Variants in PPP2R5E observed in about 807,000 individuals in gnomAD.
The protein encoded by PPP2R5E is protein phosphatase 2 regulatory subunit B'epsilon, also known as serine/threonine-protein phosphatase 2A 56 kDa regulatory subunit epsilon isoform.
Under a neutral mutation model 65.3 loss-of-function variants are expected in PPP2R5E, and 4 were observed. The observed-to-expected ratio is 0.06, with a 90% confidence interval of 0.03 to 0.14. PPP2R5E has a LOEUF of 0.14. PPP2R5E is among the 10% of genes least tolerant of loss of function. The probability of loss-of-function intolerance (pLI) is 1.00; values close to 1 mark genes in which losing one functional copy is unlikely to be tolerated. For missense variants in PPP2R5E, 274 were observed against 556.1 expected (o/e 0.49, Z 5.10); for synonymous variants, 183 against 187.4 (o/e 0.98, Z 0.19).
chr14:63,438,373 A>G (rs1370144785), intron 3 of PPP2R5E, among the ~76,000 whole-genome samples: 2 of 152,240 alleles, frequency 1.3e-5, no homozygotes, highest in Non-Finnish European at 2.9e-5. Flanking sequence ...ACCCACTTGC[A>G]CATGCCACAA....
At chr14:63,479,297 T>G (rs8018721) in intron 2 of PPP2R5E, 1 of 151,790 alleles carries the variant, frequency 6.6e-6, no homozygotes, top group African/African-American at 2.4e-5. Flanking sequence ...GTGCTGTGGG[T>G]GGGGGAGGAG....
Position 63,372,309 on chromosome 14 carries a change from G to A in PPP2R5E, c.*3700C>T, listed in dbSNP as rs935722370. ...TTAGGTTTTCAAAATTAAATATAGA[G>A]GAATATAAAATGCAATGCCAATATA... On this transcript the variant is annotated 3_prime_UTR_variant, in exon 14 of 14. Transcript: ENST00000337537. The A allele has an allele frequency of 6.6e-6, 1 of 152,030 alleles. No individual in the cohort carries two copies. The highest frequency in any genetic ancestry group is 1.5e-5 in the Non-Finnish European group (1 of 67,992). 9.4% of individuals were successfully genotyped at this position (152,030 alleles called of 1,614,324 possible). A position where few individuals can be genotyped will look rare whatever the true frequency, so the allele number is the denominator to read the frequency against.
intron 3 of PPP2R5E, among the ~76,000 whole-genome samples, chr14:63,434,576 C>G (rs10140679): frequency 6.6e-6 from 1 of 151,930 alleles, no homozygotes; most frequent in Non-Finnish European, 1.5e-5. Context: ...TTTTCCACTA[C>G]GACCTCTGTG....
chr14:63,542,581 G>A (rs376693221), intron 1 of PPP2R5E, among the ~76,000 whole-genome samples, 198 bp downstream of exon 1: 2 of 152,170 alleles, frequency 1.3e-5, no homozygotes, highest in African/African-American at 4.8e-5. Flanking sequence ...GGGGCAGAGT[G>A]AATGAGAGGT....
chr14:63,457,078 C>T (rs61983964), intron 2 of PPP2R5E, among the ~76,000 whole-genome samples: 1,820 of 152,246 alleles, frequency 0.012, 15 homozygotes, highest in Non-Finnish European at 0.016. Flanking sequence ...GATGACCAGT[C>T]CAAACAAGAG....
intron 3 of PPP2R5E, among the ~76,000 whole-genome samples, chr14:63,422,729 TA>T (rs567590182): frequency 0.057 from 5,013 of 87,888 alleles, 95 homozygotes; most frequent in East Asian, 0.093. Flanking sequence ...TCCGTCTATT[TA>T]AAAAAAAAAA....
chr14:63,418,259 C>G (rs1886809758), intron 4 of PPP2R5E, among the ~76,000 whole-genome samples: 1 of 152,168 alleles, frequency 6.6e-6, no homozygotes, highest in South Asian at 2.1e-4. Context: ...GGTTTTAGCC[C>G]TCTTTCGATT....
chr14:63,482,920 C>T (rs1010561879), intron 2 of PPP2R5E, among the ~76,000 whole-genome samples: 2 of 152,140 alleles, frequency 1.3e-5, no homozygotes, highest in African/African-American at 4.8e-5. Context: ...TAGGTACCGA[C>T]AATACCGCAG....
chr14:63,431,203 G>A (rs1408786355), intron 3 of PPP2R5E, among the ~76,000 whole-genome samples: 2 of 151,936 alleles, frequency 1.3e-5, no homozygotes, highest in South Asian at 2.1e-4. Flanking sequence ...AGGAGGCAGC[G>A]GTTGCAGTGA....
intron 5 of PPP2R5E, among the ~76,000 whole-genome samples, chr14:63,406,125 C>G (rs1445696800): frequency 6.6e-6 from 1 of 152,164 alleles, no homozygotes; most frequent in Non-Finnish European, 1.5e-5. Flanking sequence ...AAACGACAGA[C>G]TGTTGGCCAG....
chr14:63,475,240 C>G (rs1890349761), intron 2 of PPP2R5E, among the ~76,000 whole-genome samples: 1 of 152,250 alleles, frequency 6.6e-6, no homozygotes, highest in African/African-American at 2.4e-5. Context: ...GCTGGAACAG[C>G]ATTTCACTCT....
At chr14:63,519,507 A>ATTTTTTTTTTT (rs557285871) in intron 2 of PPP2R5E, among the ~76,000 whole-genome samples, 2 of 124,326 alleles carry the variant, frequency 1.6e-5, no homozygotes, top group African/African-American at 6.6e-5. Context: ...TGCCCAGCTA[A>ATTTTTTTTTTT]TTTTTTTTTT....
rs1252869528 is a variant in PPP2R5E at position 63,542,872 on chromosome 14, C to G, written c.-101G>C. 6.5e-6 allele frequency: 1 copy of G among 153,360 alleles called. No individual in the cohort carries two copies. Among genetic ancestry groups the G allele is most frequent in the Non-Finnish European group, 1.5e-5 (1 of 68,688 alleles). The allele number at this position is 153,360 out of a possible 1,614,324, so 9.5% of individuals were successfully genotyped here. A position where few individuals can be genotyped will look rare whatever the true frequency, so the allele number is the denominator to read the frequency against. On this transcript the variant is annotated 5_prime_UTR_variant, in exon 1 of 14. Transcript: ENST00000337537. ...CCGCAGCGGGGGCGGGCGGCGGGAC[C>G]GGGACGTGCAGGGGGAGGTCCGGGC...
intron 5 of PPP2R5E, among the ~76,000 whole-genome samples, chr14:63,414,492 G>C (rs1376673012): frequency 6.6e-6 from 1 of 152,074 alleles, no homozygotes; most frequent in Non-Finnish European, 1.5e-5. Flanking sequence ...TCAACAACAG[G>C]AGCAAGGAAG....
At chr14:63,427,124 G>GTATCA (rs1887383854) in intron 3 of PPP2R5E, among the ~76,000 whole-genome samples, 1 of 152,296 alleles carries the variant, frequency 6.6e-6, no homozygotes, top group Non-Finnish European at 1.5e-5. Context: ...GCATGCTTAT[G>GTATCA]CAAATGTATC....
chr14:63,385,505 C>G (rs999765992), intron 11 of PPP2R5E, among the ~76,000 whole-genome samples: 1 of 152,156 alleles, frequency 6.6e-6, no homozygotes, highest in African/African-American at 2.4e-5. Flanking sequence ...TTTTTCATCA[C>G]ACACACTTAG....
intron 2 of PPP2R5E, among the ~76,000 whole-genome samples, chr14:63,465,575 G>C (rs780900117): frequency 6.6e-6 from 1 of 152,034 alleles, no homozygotes; most frequent in Non-Finnish European, 1.5e-5. Flanking sequence ...GCCGTGAGCC[G>C]TGATTGCACC....
chr14:63,514,069 C>T (rs1294184276), intron 2 of PPP2R5E, among the ~76,000 whole-genome samples: 2 of 152,106 alleles, frequency 1.3e-5, no homozygotes, highest in Non-Finnish European at 2.9e-5. Flanking sequence ...CCAGTCTAAG[C>T]CCCAGATATG....
At chr14:63,523,298 C>T (rs886738328) in intron 2 of PPP2R5E, among the ~76,000 whole-genome samples, 1 of 152,082 alleles carries the variant, frequency 6.6e-6, no homozygotes, top group African/African-American at 2.4e-5. Flanking sequence ...AGTGAGAAAT[C>T]GGATGGTTGC....
Sources: gnomAD v4.1 joint callset for allele counts (sites outside exome capture counted in the v4.1 genomes callset) on GRCh38, gnomAD v4.1.1 for gene constraint, MANE v1.5 for transcripts, NCBI Gene and HGNC (gene_info 2026-07-23, HGNC 2026-07-21) for gene names.